WDR17: variants seen among roughly 807,000 people sequenced by gnomAD.
WDR17 encodes the protein WD repeat domain 17, also known as WD repeat-containing protein 17.
WDR17 carries 143 observed loss-of-function variants against 161.7 expected under a neutral mutation model. The observed-to-expected ratio is 0.88, with a 90% CI of 0.77 to 1.02. The LOEUF is 1.02. WDR17 is among the 50% of genes least tolerant of loss of function. The pLI is 0.00. For synonymous variants in WDR17, 517 were observed against 515.6 expected, an observed-to-expected ratio of 1.00 and a Z score of -0.04; for missense variants, 1,469 against 1,520.9, an observed-to-expected ratio of 0.97 and a Z score of 0.57.
At chr4:176,115,346 C>A (rs1740432163) in intron 2 of WDR17, among the ~76,000 whole-genome samples, 1 of 151,832 alleles carries the variant, frequency 6.6e-6, no homozygotes, top group African/African-American at 2.4e-5. Flanking sequence ...TGAATGACAT[C>A]ATTGCTCTGG....
At chr4:176,156,676 G>GT (rs1286886879) in intron 18 of WDR17, among the ~76,000 whole-genome samples, 2 of 124,950 alleles carry the variant, frequency 1.6e-5, no homozygotes, top group African/African-American at 3.0e-5. Context: ...TGGGGTTGCC[G>GT]TAAAAAAAAA....
chr4:176,123,145 G>A (rs957655386), intron 4 of WDR17, among the ~76,000 whole-genome samples: 32 of 152,096 alleles, frequency 2.1e-4, no homozygotes, highest in African/African-American at 7.0e-4. Context: ...ATTGATTTTG[G>A]TATTACTCCA....
chr4:176,164,806 A>G (rs1749529484), intron 22 of WDR17, among the ~76,000 whole-genome samples: 1 of 152,216 alleles, frequency 6.6e-6, no homozygotes, highest in Non-Finnish European at 1.5e-5. Flanking sequence ...AAAATGTAGT[A>G]GTACCCTACC....
In WDR17 at chr4:176,159,275, GCACA is replaced by G. The variant is rs367571276; in HGVS notation, c.2526-700_2526-697del. 5.9e-3 allele frequency among the ~76,000 whole-genome samples: 561 copies of G among 94,420 alleles called. 6 individuals are homozygous for G. Among genetic ancestry groups the G allele is most frequent in the African/African-American group, 0.027 (530 of 19,808 alleles). 61.9% of individuals were successfully genotyped at this position (94,420 alleles called of 152,430 possible). On this transcript the variant is annotated intron_variant, in intron 18 of 28. Coordinates refer to ENST00000508596, the MANE Select transcript of WDR17 (RefSeq NM_181265.4). ...TAGATGGGAAGATACACACACACAT[GCACA>G]CACACACACACACACACATACACAC...
chr4:176,106,548 C>G (rs1738750319), intron 1 of WDR17, among the ~76,000 whole-genome samples: 1 of 152,162 alleles, frequency 6.6e-6, no homozygotes, highest in Non-Finnish European at 1.5e-5. Context: ...GACAAAGCTT[C>G]ACAACATTGG....
In WDR17 at chr4:176,085,669, A is replaced by G. The variant is rs183084559; in HGVS notation, c.-7+19590A>G. ...TTTTTTTATTCCTGATAAGGATCTG[A>G]TATGGATATTTGTGTTTGTTCTGTA... On this transcript the variant is annotated intron_variant, in intron 1 of 28. Coordinates refer to ENST00000508596, the MANE Select transcript of WDR17 (RefSeq NM_181265.4). 9.9e-4 allele frequency among the ~76,000 whole-genome samples: 151 copies of G among 152,044 alleles called. 2 individuals carry two copies. Among genetic ancestry groups the G allele is most frequent in the East Asian group, 5.4e-3 (28 of 5,188 alleles).
chr4:176,162,779 T>C (rs1749220671), intron 21 of WDR17, among the ~76,000 whole-genome samples: 1 of 152,202 alleles, frequency 6.6e-6, no homozygotes, highest in Admixed American at 6.5e-5. Context: ...ATATATTTGC[T>C]TTAGGAAATG....
At chr4:176,159,239 T>C (rs988330220) in intron 18 of WDR17, among the ~76,000 whole-genome samples, 6 of 148,346 alleles carry the variant, frequency 4.0e-5, no homozygotes, top group Non-Finnish European at 5.9e-5. Flanking sequence ...ATTGAGAAAA[T>C]ACCTGAGACG....
At chr4:176,070,087 T>C (rs973767166) in intron 1 of WDR17, among the ~76,000 whole-genome samples, 1 of 152,242 alleles carries the variant, frequency 6.6e-6, no homozygotes, top group Non-Finnish European at 1.5e-5. Flanking sequence ...ATAAAAATTA[T>C]GTTCTCAAAA....
chr4:176,095,065 A>T (rs541409487), intron 1 of WDR17, among the ~76,000 whole-genome samples: 1 of 152,242 alleles, frequency 6.6e-6, no homozygotes, highest in East Asian at 1.9e-4. Flanking sequence ...AAGCAGAGAC[A>T]AGGTTGGTAG....
intron 11 of WDR17, among the ~76,000 whole-genome samples, chr4:176,145,236 C>T (rs774694849): frequency 6.8e-6 from 1 of 147,954 alleles, no homozygotes; most frequent in Non-Finnish European, 1.5e-5. Context: ...CCGTGATTTC[C>T]ACAGGTCTTC....
chr4:176,099,422 A>G (rs562900428), intron 1 of WDR17, among the ~76,000 whole-genome samples: 7 of 152,152 alleles, frequency 4.6e-5, no homozygotes, highest in Non-Finnish European at 4.4e-5. Context: ...ACGGGAACCC[A>G]GTAATGGGGG....
intron 16 of WDR17, among the ~76,000 whole-genome samples, chr4:176,151,032 C>T (rs1033289948): frequency 1.3e-5 from 2 of 152,166 alleles, no homozygotes; most frequent in South Asian, 4.1e-4. Context: ...CAACAAAACC[C>T]ATTCTGGCAC....
At chr4:176,177,748 T>C (rs1157083268) in intron 28 of WDR17, 94 bp downstream of exon 28, 4 of 1,270,882 alleles carry the variant, frequency 3.1e-6, no homozygotes, top group Non-Finnish European at 4.3e-6. Context: ...TGGATAAAAG[T>C]AGGTAATTTA....
rs774365105 is a variant in WDR17 at position 176,128,737 on chromosome 4, GA to G, written c.791del (p.Asp264ValfsTer23). The G allele has an allele frequency of 1.5e-4, 235 of 1,600,958 alleles. No individual in the cohort carries two copies. Among genetic ancestry groups the G allele is most frequent in the Admixed American group, 5.3e-4 (30 of 56,992 alleles). ...ATGTGCTTTTTCCCTGATCTGACTAGATTCTCAAGTGGGTGTTTTACGCATT... is the reference window on the plus strand; with the variant it reads ...ATGTGCTTTTTCCCTGATCTGACTAGTTCTCAAGTGGGTGTTTTACGCATT... ...PSAPGMFITGDSQVGVLRIWN... is the reference protein window; with the variant it reads ...PSAPGMFITGXSQVGVLRIWN... On this transcript the variant is annotated frameshift_variant and splice_region_variant, in exon 6 of 29. Transcript: ENST00000508596. LOFTEE classifies it high-confidence loss of function.
rs551305849 is a variant in WDR17 at position 176,180,821 on chromosome 4, T to C, written c.*1242T>C. On this transcript the variant is annotated 3_prime_UTR_variant, in exon 29 of 29. Transcript: ENST00000508596. ...TGGATATATTATGTTGATTTAACTT[T>C]TAAAATGTTGTTTAAAAGTGTGAAG... 6 of 152,228 alleles carry C rather than the reference T, an allele frequency of 3.9e-5. No homozygotes were observed. The highest frequency in any genetic ancestry group is 8.8e-5 in the Non-Finnish European group (6 of 68,044). 9.4% of individuals were successfully genotyped at this position (152,228 alleles called of 1,614,324 possible). A position where few individuals can be genotyped will look rare whatever the true frequency, so the allele number is the denominator to read the frequency against.
At chr4:176,148,507 A>G (rs1746562073) in intron 13 of WDR17, among the ~76,000 whole-genome samples, 172 bp downstream of exon 13, 1 of 152,238 alleles carries the variant, frequency 6.6e-6, no homozygotes, top group Admixed American at 6.5e-5. Context: ...GAATGTGCAG[A>G]AGAAAAAGTC....
intron 1 of WDR17, among the ~76,000 whole-genome samples, chr4:176,070,784 G>C (rs1733133374): frequency 6.6e-6 from 1 of 152,084 alleles, no homozygotes; most frequent in African/African-American, 2.4e-5. Flanking sequence ...GCCTGCCAAA[G>C]TCCTGGGATG....
chr4:176,108,357 C>CA (rs1300409210), intron 1 of WDR17, among the ~76,000 whole-genome samples: 2 of 151,914 alleles, frequency 1.3e-5, no homozygotes, highest in Admixed American at 1.3e-4. Flanking sequence ...AACTATAAGA[C>CA]ATTGTGGGAA....
Sources: allele counts gnomAD v4.1 joint callset (sites outside exome capture counted in the v4.1 genomes callset), GRCh38; gene constraint gnomAD v4.1.1; transcripts MANE v1.5; gene names NCBI Gene and HGNC (gene_info 2026-07-23, HGNC 2026-07-21).